Variants in MPP7 observed in about 807,000 individuals in gnomAD.
MPP7 encodes MAGUK p55 scaffold protein 7, also known as MAGUK p55 subfamily member 7.
Under a neutral mutation model 76.5 loss-of-function variants are expected in MPP7, and 60 were observed. The ratio of observed to expected loss-of-function variants is 0.78; its 90% CI spans 0.64 to 0.97. MPP7 has a LOEUF of 0.97. Ranked by LOEUF, MPP7 falls within the 50% of genes least tolerant of loss-of-function variation. MPP7 has a pLI of 0.00. For missense variants in MPP7, 641 were observed against 694.0 expected (o/e 0.92, Z 0.86); for synonymous variants, 237 against 244.5 (o/e 0.97, Z 0.29).
At chr10:28,126,933 C>T (rs1588816306) in intron 6 of MPP7, among the ~76,000 whole-genome samples, 1 of 152,170 alleles carries the variant, frequency 6.6e-6, no homozygotes, top group Non-Finnish European at 1.5e-5. Context: ...CCCAACCTTC[C>T]AGCTCCAAGC....
At chr10:28,211,715 G>A (rs1838143862) in intron 2 of MPP7, among the ~76,000 whole-genome samples, 1 of 152,032 alleles carries the variant, frequency 6.6e-6, no homozygotes, top group South Asian at 2.1e-4. Flanking sequence ...TCTTTTAAGA[G>A]TATATAAACC....
At chr10:28,260,903 C>G (rs139055284) in intron 1 of MPP7, among the ~76,000 whole-genome samples, 21 of 151,800 alleles carry the variant, frequency 1.4e-4, no homozygotes, top group African/African-American at 4.8e-4. Context: ...TATTTTATGC[C>G]CAATTGATGT....
intron 3 of MPP7, among the ~76,000 whole-genome samples, chr10:28,198,005 AACAC>A (rs1396248183): frequency 6.6e-6 from 1 of 152,244 alleles, no homozygotes; most frequent in African/African-American, 2.4e-5. Context: ...AAATCACAGA[AACAC>A]ACACAATAAT....
At chr10:28,095,222 T>TAC (rs1554834984) in intron 11 of MPP7, among the ~76,000 whole-genome samples, 4 of 136,712 alleles carry the variant, frequency 2.9e-5, no homozygotes, top group African/African-American at 1.1e-4. Flanking sequence ...TATATATATA[T>TAC]ACAGAAACAT....
At chr10:28,235,615 A>G (rs1839047912) in intron 2 of MPP7, among the ~76,000 whole-genome samples, 1 of 152,182 alleles carries the variant, frequency 6.6e-6, no homozygotes, top group Non-Finnish European at 1.5e-5. Context: ...GCCATGCTCC[A>G]CATACAGATT....
chr10:28,334,271 A>T (rs1292762248), intron 1 of MPP7: 1 of 152,176 alleles, frequency 6.6e-6, no homozygotes, highest in Admixed American at 6.6e-5. Flanking sequence ...AAGATGAAAA[A>T]TTCCTAAAAC....
intron 2 of MPP7, among the ~76,000 whole-genome samples, chr10:28,321,476 T>C (rs1215683478): frequency 6.6e-6 from 1 of 152,216 alleles, no homozygotes; most frequent in Admixed American, 6.5e-5. Flanking sequence ...CAAATTTAGA[T>C]GATGAATAAT....
intron 14 of MPP7, among the ~76,000 whole-genome samples, chr10:28,059,074 C>T (rs917174222): frequency 2.0e-5 from 3 of 152,132 alleles, no homozygotes; most frequent in Non-Finnish European, 4.4e-5. Context: ...AAAAGCATTT[C>T]GATGTTTTAA....
chr10:28,191,985 G>A (rs963799940), intron 3 of MPP7, among the ~76,000 whole-genome samples: 6 of 151,648 alleles, frequency 4.0e-5, no homozygotes, highest in East Asian at 1.9e-4. Flanking sequence ...TTAGCCAGGC[G>A]TAGTGACGCA....
chr10:28,101,852 A>T (rs1853838853), intron 11 of MPP7, among the ~76,000 whole-genome samples: 1 of 152,108 alleles, frequency 6.6e-6, no homozygotes, highest in Non-Finnish European at 1.5e-5. Context: ...GACCATCGAG[A>T]AGCAATTATA....
chr10:28,132,732 G>A (rs1399110986), intron 5 of MPP7, among the ~76,000 whole-genome samples: 1 of 152,180 alleles, frequency 6.6e-6, no homozygotes, highest in Admixed American at 6.5e-5. Context: ...CCAAGTAGCT[G>A]GGATTACAGG....
chr10:28,260,865 A>T (rs1480402405), intron 1 of MPP7, among the ~76,000 whole-genome samples: 1 of 151,682 alleles, frequency 6.6e-6, no homozygotes, highest in Non-Finnish European at 1.5e-5. Flanking sequence ...TTTCTACATG[A>T]TGCATTTCAA....
chr10:28,088,023 A>T (rs892667943), intron 12 of MPP7, among the ~76,000 whole-genome samples: 26 of 152,318 alleles, frequency 1.7e-4, no homozygotes, highest in African/African-American at 6.3e-4. Flanking sequence ...GTATGTGAAT[A>T]TGTGTTTCAA....
intron 12 of MPP7, among the ~76,000 whole-genome samples, chr10:28,081,768 C>T (rs1312510067): frequency 1.4e-5 from 2 of 143,832 alleles, no homozygotes; most frequent in African/African-American, 5.1e-5. Flanking sequence ...AAATTATTCT[C>T]TTTTTTTTTT....
At chr10:28,092,121 C>T (rs1400793175) in intron 11 of MPP7, among the ~76,000 whole-genome samples, 1 of 152,170 alleles carries the variant, frequency 6.6e-6, no homozygotes, top group African/African-American at 2.4e-5. Flanking sequence ...TTTTATGTGA[C>T]TCACCTTATG....
At chr10:28,287,849 G>A (rs1307603207) in intron 1 of MPP7, among the ~76,000 whole-genome samples, 1 of 152,136 alleles carries the variant, frequency 6.6e-6, no homozygotes, top group East Asian at 1.9e-4. Context: ...CAGGTCAATG[G>A]ATTTTAATGC....
chr10:28,197,371 C>T lies in MPP7; in HGVS notation c.156+4782G>A, dbSNP rs577608282. Reference sequence around the variant, plus strand: ...CTAATTTTTGTATTTTTAGTAGAGACAGGGTTTCACCATTTTGACCAGGCT... The same window carrying T: ...CTAATTTTTGTATTTTTAGTAGAGATAGGGTTTCACCATTTTGACCAGGCT... On this transcript the variant is annotated intron_variant, in intron 3 of 16. Coordinates refer to ENST00000683449, the MANE Select transcript of MPP7 (RefSeq NM_001318170.2). Among the ~76,000 whole-genome samples, 4 of 152,016 alleles carry T rather than the reference C, an allele frequency of 2.6e-5. No homozygotes were observed. The East Asian group carries it at 7.8e-4, about 29-fold the overall frequency.
At chr10:28,169,420 G>T (rs1228634967) in intron 3 of MPP7, among the ~76,000 whole-genome samples, 2 of 152,170 alleles carry the variant, frequency 1.3e-5, no homozygotes, top group Non-Finnish European at 2.9e-5. Flanking sequence ...TGAGGCTGAT[G>T]TCGGAGGTTC....
intron 11 of MPP7, among the ~76,000 whole-genome samples, chr10:28,094,776 A>C (rs529008780): frequency 6.6e-6 from 1 of 152,190 alleles, no homozygotes; most frequent in Non-Finnish European, 1.5e-5. Context: ...GTACCTTATT[A>C]AGTATTAAGA....
Sources: gnomAD v4.1 joint callset for allele counts (sites outside exome capture counted in the v4.1 genomes callset) on GRCh38, gnomAD v4.1.1 for gene constraint, MANE v1.5 for transcripts, NCBI Gene and HGNC (gene_info 2026-07-23, HGNC 2026-07-21) for gene names.